NTM: variants seen among roughly 807,000 people sequenced by gnomAD.
NTM encodes the protein neurotrimin.
A neutral mutation model predicts 42.1 loss-of-function variants in NTM; 13 were observed. That is an observed-to-expected ratio of 0.31 (90% CI 0.20 to 0.49). The LOEUF is 0.49. NTM is among the 20% of genes least tolerant of loss of function. The probability of loss-of-function intolerance (pLI) is 0.99; values close to 1 mark genes in which losing one functional copy is unlikely to be tolerated. For synonymous variants in NTM, 187 were observed against 179.2 expected, an observed-to-expected ratio of 1.04 and a Z score of -0.35; for missense variants, 373 against 452.8, an observed-to-expected ratio of 0.82 and a Z score of 1.60.
intron 1 of NTM, among the ~76,000 whole-genome samples, chr11:131,848,003 T>C (rs1200028255): frequency 1.3e-5 from 2 of 152,238 alleles, no homozygotes; most frequent in Non-Finnish European, 2.9e-5. Context: ...GTCCATTATG[T>C]ATTTGTAACA....
chr11:131,651,314 CA>C (rs1036116050), intron 1 of NTM, among the ~76,000 whole-genome samples: 2 of 152,118 alleles, frequency 1.3e-5, no homozygotes, highest in African/African-American at 2.4e-5. Flanking sequence ...TATAGCTAGT[CA>C]AAAAACAAGT....
intron 2 of NTM, among the ~76,000 whole-genome samples, chr11:132,026,030 C>T (rs758865570): frequency 2.0e-4 from 30 of 152,214 alleles, no homozygotes; most frequent in Middle Eastern, 6.8e-3. Flanking sequence ...GTCTGTAAAA[C>T]GGGAGTAGTA....
At chr11:131,628,915 G>A (rs565243699) in intron 1 of NTM, among the ~76,000 whole-genome samples, 97 of 152,350 alleles carry the variant, frequency 6.4e-4, no homozygotes, top group South Asian at 1.7e-3. Context: ...GAGTACAGGC[G>A]GAGAGTGTGG....
chr11:131,910,734 C>G lies in NTM; in HGVS notation c.83-830C>G, dbSNP rs1171944543. ...CCCAGCGAGCTACCGAGCTTGGGGC[C>G]GCCGCGGTCCGCTCCCGCCGCCCGG... is the stretch of plus-strand genomic sequence containing the variant. On this transcript the variant is annotated intron_variant, in intron 1 of 8. Transcript: ENST00000683400. 6 of 655,848 alleles carry G rather than the reference C, an allele frequency of 9.1e-6. No individual in the cohort carries two copies. In the African/African-American group the frequency reaches 1.2e-4, roughly 13 times the overall value. 40.6% of individuals were successfully genotyped at this position (655,848 alleles called of 1,614,324 possible). A position where few individuals can be genotyped will look rare whatever the true frequency, so the allele number is the denominator to read the frequency against.
In NTM at chr11:131,851,532, CGTGTGTGT is replaced by C. The variant is rs71067340; in HGVS notation, c.83-60002_83-59995del. 6.1e-4 allele frequency among the ~76,000 whole-genome samples: 90 copies of C among 146,800 alleles called. 3 individuals are homozygous for C. The East Asian group carries it at 8.2e-3, about 13-fold the overall frequency. On this transcript the variant is annotated intron_variant, in intron 1 of 8. Transcript: ENST00000683400. ...ACATCACATGCCCTGGTGAGAATGG[CGTGTGTGT>C]GTGTGTGTGTGTGTGTGTGTGTGTG...
At chr11:132,223,282 G>T (rs1216553512) in intron 4 of NTM, among the ~76,000 whole-genome samples, 1 of 152,194 alleles carries the variant, frequency 6.6e-6, no homozygotes, top group African/African-American at 2.4e-5. Context: ...TCAACACATG[G>T]CTGAGGAAGC....
At chr11:131,646,980 C>T (rs533497987) in intron 1 of NTM, among the ~76,000 whole-genome samples, 6 of 152,308 alleles carry the variant, frequency 3.9e-5, no homozygotes, top group East Asian at 3.9e-4. Flanking sequence ...GGACAGAACA[C>T]GCAAAAGGGG....
At chr11:131,706,559 C>A (rs1196416056) in intron 1 of NTM, among the ~76,000 whole-genome samples, 1 of 152,016 alleles carries the variant, frequency 6.6e-6, no homozygotes, top group Non-Finnish European at 1.5e-5. Context: ...GCACATATAA[C>A]ATTCTCCAGG....
chr11:132,330,416 G>A (rs151117498), intron 8 of NTM, among the ~76,000 whole-genome samples: 131 of 152,098 alleles, frequency 8.6e-4, no homozygotes, highest in Non-Finnish European at 1.4e-3. Flanking sequence ...CTCTTTGCTG[G>A]TGGCACTAAT....
At chr11:131,865,753 A>G (rs1008926023) in intron 1 of NTM, among the ~76,000 whole-genome samples, 2 of 148,396 alleles carry the variant, frequency 1.3e-5, no homozygotes, top group East Asian at 2.1e-4. Context: ...CACACACACA[A>G]GCTACACACA....
At chr11:131,503,278 A>G (rs568875285) in intron 1 of NTM, among the ~76,000 whole-genome samples, 17 of 152,238 alleles carry the variant, frequency 1.1e-4, no homozygotes, top group Non-Finnish European at 1.8e-4. Flanking sequence ...CTGCAGGTAG[A>G]CCAGCTTCAC....
chr11:131,480,199 C>G (rs1953417651), intron 1 of NTM, among the ~76,000 whole-genome samples: 1 of 150,630 alleles, frequency 6.6e-6, no homozygotes, highest in Non-Finnish European at 1.5e-5. Context: ...TACTCCTGGC[C>G]TTGGAACAGA....
chr11:131,460,487 A>C (rs1056002962), intron 1 of NTM, among the ~76,000 whole-genome samples: 1 of 152,260 alleles, frequency 6.6e-6, no homozygotes, highest in Non-Finnish European at 1.5e-5. Flanking sequence ...ATGCAGTTTC[A>C]TAAAGCACTT....
intron 7 of NTM, among the ~76,000 whole-genome samples, chr11:132,319,730 C>T (rs544046810): frequency 6.6e-6 from 1 of 152,242 alleles, no homozygotes; most frequent in African/African-American, 2.4e-5. Flanking sequence ...GTAACCTCTG[C>T]AGACTTAAAT....
intron 1 of NTM, among the ~76,000 whole-genome samples, chr11:131,723,692 T>C (rs1271710876): frequency 6.6e-6 from 1 of 152,160 alleles, no homozygotes; most frequent in Non-Finnish European, 1.5e-5. Context: ...ACACTAAACT[T>C]GATGGGAAAT....
At chr11:131,753,608 T>A (rs979353871) in intron 1 of NTM, among the ~76,000 whole-genome samples, 1 of 147,054 alleles carries the variant, frequency 6.8e-6, no homozygotes, top group African/African-American at 2.7e-5. Context: ...TGGATGAAAT[T>A]GGAAATCATC....
intron 3 of NTM, among the ~76,000 whole-genome samples, chr11:132,203,918 C>A (rs1210280053): frequency 1.1e-4 from 3 of 28,320 alleles, no homozygotes; most frequent in African/African-American, 3.9e-4. Flanking sequence ...AAAACAGCAA[C>A]AACAACAAAA....
intron 2 of NTM, among the ~76,000 whole-genome samples, chr11:132,042,098 G>A (rs1443225128): frequency 6.6e-6 from 1 of 152,140 alleles, no homozygotes; most frequent in Non-Finnish European, 1.5e-5. Flanking sequence ...TGAGTAAGCA[G>A]TAGGTTGCCA....
chr11:131,989,261 C>G (rs894938214), intron 2 of NTM, among the ~76,000 whole-genome samples: 2 of 152,152 alleles, frequency 1.3e-5, no homozygotes, highest in African/African-American at 4.8e-5. Context: ...TTAGTATCAA[C>G]TGATATTTCA....
Sources: gnomAD v4.1 joint callset for allele counts (sites outside exome capture counted in the v4.1 genomes callset) on GRCh38, gnomAD v4.1.1 for gene constraint, MANE v1.5 for transcripts, NCBI Gene and HGNC (gene_info 2026-07-23, HGNC 2026-07-21) for gene names.